The following KMT2C variants were observed in gnomAD, a reference collection of about 807,000 sequenced individuals.
The protein encoded by KMT2C is histone-lysine N-methyltransferase 2C.
In KMT2C, 88 loss-of-function variants were observed where a neutral mutation model predicts 507.9. The ratio of observed to expected loss-of-function variants is 0.17; its 90% confidence interval spans 0.15 to 0.21. KMT2C has a LOEUF of 0.21. KMT2C is among the 10% of genes least tolerant of loss of function. The pLI is 1.00. For missense variants in KMT2C, 4,954 were observed against 5,957.8 expected (o/e 0.83, Z 5.55); for synonymous variants, 2,049 against 2,080.8 (o/e 0.98, Z 0.42).
chr7:152,295,625 C>A (rs992739622), intron 6 of KMT2C, among the ~76,000 whole-genome samples: 1 of 152,196 alleles, frequency 6.6e-6, no homozygotes, highest in Admixed American at 6.5e-5. Context: ...TATCCATTCC[C>A]CCTTTTTCCT....
At position 152,392,138 on chromosome 7, in the gene KMT2C, T is replaced by C. The variant is rs186862073; in HGVS notation, c.162-33463A>G. The stretch of plus-strand genomic sequence containing the variant: ...CTTTGCCTGCAGTGAATTCCCTCTC[T>C]TGGCAATGCCTTATAAGTTACCATG... On this transcript the variant is annotated intron_variant, in intron 1 of 58. Transcript: ENST00000262189. 2.0e-5 allele frequency among the ~76,000 whole-genome samples: 3 copies of C among 152,296 alleles called. No homozygotes were observed. In the East Asian group the frequency reaches 5.8e-4, roughly 29 times the overall value.
intron 1 of KMT2C, among the ~76,000 whole-genome samples, chr7:152,425,789 C>CGGTG (rs2097810741): frequency 6.6e-6 from 1 of 151,892 alleles, no homozygotes. Flanking sequence ...AGAACACCAC[C>CGGTG]ACACAGACTT....
At chr7:152,306,286 C>T (rs543944483) in intron 6 of KMT2C, among the ~76,000 whole-genome samples, 18 of 152,112 alleles carry the variant, frequency 1.2e-4, no homozygotes, top group Non-Finnish European at 2.5e-4. Flanking sequence ...TGGTTGGTGG[C>T]AATTGCATAG....
intron 1 of KMT2C, among the ~76,000 whole-genome samples, chr7:152,396,319 G>C (rs1258000972): frequency 6.6e-6 from 1 of 152,146 alleles, no homozygotes; most frequent in South Asian, 2.1e-4. Context: ...TAAATGAAAA[G>C]ACAAAGATTG....
intron 2 of KMT2C, among the ~76,000 whole-genome samples, chr7:152,354,963 A>G (rs1162875467): frequency 6.6e-6 from 1 of 152,202 alleles, no homozygotes; most frequent in Non-Finnish European, 1.5e-5. Flanking sequence ...GTGTGGGACA[A>G]GAGTAGAATG....
chr7:152,236,482 G>C (rs2095277316), intron 15 of KMT2C, among the ~76,000 whole-genome samples: 1 of 152,154 alleles, frequency 6.6e-6, no homozygotes, highest in Non-Finnish European at 1.5e-5. Context: ...AGGTCACTTA[G>C]CTAGCAAGTC....
At chr7:152,408,486 T>C (rs2097645984) in intron 1 of KMT2C, among the ~76,000 whole-genome samples, 1 of 152,194 alleles carries the variant, frequency 6.6e-6, no homozygotes, top group African/African-American at 2.4e-5. Context: ...CTCGGTAGCC[T>C]GTTGGGAACC....
chr7:152,195,276 T>C (rs2093928891), intron 28 of KMT2C, among the ~76,000 whole-genome samples: 1 of 152,170 alleles, frequency 6.6e-6, no homozygotes, highest in Non-Finnish European at 1.5e-5. Context: ...TTAGGTAATA[T>C]TGTAAACCAC....
At chr7:152,431,952 T>C (rs1304668268) in intron 1 of KMT2C, among the ~76,000 whole-genome samples, 1 of 152,244 alleles carries the variant, frequency 6.6e-6, no homozygotes, top group East Asian at 1.9e-4. Flanking sequence ...TTCACAGCTA[T>C]GAAAAGGAGA....
intron 1 of KMT2C, among the ~76,000 whole-genome samples, chr7:152,376,345 T>G (rs1042913172): frequency 6.6e-6 from 1 of 152,184 alleles, no homozygotes; most frequent in Non-Finnish European, 1.5e-5. Flanking sequence ...GCCTCTCACT[T>G]TAACTGAAAA....
At chr7:152,169,161 A>AT in intron 41 of KMT2C, 25 bp downstream of exon 41, 1 of 1,440,406 alleles carries the variant, frequency 6.9e-7, no homozygotes, top group Admixed American at 1.7e-5. Context: ...CCCAGAAAAC[A>AT]TTAACTTATT....
chr7:152,149,270 G>A (rs1404212898), intron 51 of KMT2C, 118 bp from the exon 52 acceptor site: 7 of 917,810 alleles, frequency 7.6e-6, no homozygotes, highest in South Asian at 3.2e-5. Flanking sequence ...CTGAGGGGCA[G>A]AGGGAGAGTC....
At chr7:152,367,366 C>A in intron 1 of KMT2C, 1 of 728,972 alleles carries the variant, frequency 1.4e-6, no homozygotes, top group South Asian at 1.6e-5. Context: ...GGAGCACCTA[C>A]CAGGGGCACC....
intron 16 of KMT2C, among the ~76,000 whole-genome samples, chr7:152,232,497 T>C (rs749100971): frequency 3.5e-4 from 53 of 151,678 alleles, no homozygotes; most frequent in Non-Finnish European, 7.2e-4. Flanking sequence ...ATATAATAGG[T>C]TGAATCATAA....
At chr7:152,391,543 C>CTT (rs71198782) in intron 1 of KMT2C, among the ~76,000 whole-genome samples, 2,453 of 95,980 alleles carry the variant, frequency 0.026, 14 homozygotes, top group African/African-American at 0.055. Flanking sequence ...CATGCCCGGC[C>CTT]TTTTTTTTTT....
chr7:152,360,802 T>C (rs2097190700), intron 1 of KMT2C, among the ~76,000 whole-genome samples: 2 of 151,388 alleles, frequency 1.3e-5, no homozygotes, highest in East Asian at 1.9e-4. Context: ...TGAGCCGAGA[T>C]TGCACCACTG....
In KMT2C at chr7:152,309,987, A is replaced by G. The variant is rs1408928220; in HGVS notation, c.828T>C (p.Ala276=). The part of the protein sequence containing the change: ...EEPLLVNVDK[A]VVSGSTERCA... ...TTACTTCTGTGCTCCCTGAGACAAC[A>G]GCTTTGTCCACGTTCACTAACAATG... The change falls in exon 6 of 59, where the codon GCT becomes GCC. Residue 276 remains alanine, a synonymous_variant. Transcript: ENST00000262189. 4 of 1,611,280 alleles carry G rather than the reference A, an allele frequency of 2.5e-6. No individual in the cohort carries two copies. The highest frequency in any genetic ancestry group is 2.2e-5 in the East Asian group (1 of 44,860).
intron 2 of KMT2C, among the ~76,000 whole-genome samples, chr7:152,355,273 G>C (rs2097142799): frequency 6.6e-6 from 1 of 152,080 alleles, no homozygotes; most frequent in Non-Finnish European, 1.5e-5. Flanking sequence ...TGGAAGAGAG[G>C]GTTTCAGGAT....
Position 152,304,313 on chromosome 7 carries a change from T to C in KMT2C, c.849+5653A>G, listed in dbSNP as rs191331383. Among the ~76,000 whole-genome samples, 5 of 152,298 alleles carry C rather than the reference T, an allele frequency of 3.3e-5. No individual in the cohort carries two copies. The East Asian group carries it at 9.6e-4, about 29-fold the overall frequency. On this transcript the variant is annotated intron_variant, in intron 6 of 58. Coordinates refer to ENST00000262189, the MANE Select transcript of KMT2C (RefSeq NM_170606.3). ...CATTTTTAAATCTCAACCGAAATTA[T>C]CAAAATTTAAGCAAATAAAATTTCA...
Sources: gnomAD v4.1 joint callset for allele counts (sites outside exome capture counted in the v4.1 genomes callset) on GRCh38, gnomAD v4.1.1 for gene constraint, MANE v1.5 for transcripts, NCBI Gene and HGNC (gene_info 2026-07-23, HGNC 2026-07-21) for gene names.